PIEZO2: variants seen among roughly 807,000 people sequenced by gnomAD.
The protein encoded by PIEZO2 is piezo-type mechanosensitive ion channel component 2.
PIEZO2 carries 172 observed loss-of-function variants against 337.3 expected under a neutral mutation model. The ratio of observed to expected loss-of-function variants is 0.51; its 90% CI spans 0.45 to 0.58. PIEZO2 has a LOEUF of 0.58. Among genes scored for constraint, PIEZO2 ranks in the 20% least tolerant of loss-of-function variants. PIEZO2 has a pLI of 0.00. For missense variants in PIEZO2, 3,028 were observed against 3,391.3 expected, an observed-to-expected ratio of 0.89 and a Z score of 2.66; for synonymous variants, 1,251 against 1,228.5, an observed-to-expected ratio of 1.02 and a Z score of -0.38.
In PIEZO2 at chr18:10,681,710, A is replaced by G; in HGVS notation, c.7730T>C (p.Met2577Thr). Residue 2577 changes from methionine (M) to threonine (T), a missense_variant, in exon 51 of 56, where the codon ATG becomes ACG. Coordinates refer to ENST00000674853, the MANE Select transcript of PIEZO2 (RefSeq NM_001378183.1). ...MSAQQSQLKV[M>T]DQQSFNKFIQ... ...AAATTTGTTAAAGCTCTGCTGGTCC[A>G]TAACTTTCAACTGGCTTTGTTGGGC... 1 of 1,612,164 alleles carries G rather than the reference A, an allele frequency of 6.2e-7. No individual in the cohort carries two copies. The highest frequency in any genetic ancestry group is 8.5e-7 in the Non-Finnish European group (1 of 1,178,190).
chr18:10,685,171 T>C (rs2034496118), intron 49 of PIEZO2, among the ~76,000 whole-genome samples: 1 of 152,204 alleles, frequency 6.6e-6, no homozygotes, highest in South Asian at 2.1e-4. Context: ...CTGCAGCCTG[T>C]CACATTCAAT....
In PIEZO2 at chr18:10,773,403, G is replaced by T; in HGVS notation, c.2785+9C>A. 6.5e-7 allele frequency: 1 copy of T among 1,537,010 alleles called. No individual in the cohort carries two copies. The highest frequency in any genetic ancestry group is 8.7e-7 in the Non-Finnish European group (1 of 1,146,716). On this transcript the variant is annotated intron_variant, in intron 20 of 55. Transcript: ENST00000674853. The surrounding 1 kb of genome is among the most constrained non-coding windows in gnomAD (Gnocchi z 5.3). ...TTCTCTGACCAGCTGCTGGTAGTGG[G>T]CTGATTACCTGATGTTTCTTCCTCC...
chr18:10,853,805 C>T lies in PIEZO2; in HGVS notation c.917+1548G>A. 6.6e-6 allele frequency among the ~76,000 whole-genome samples: 1 copy of T among 152,210 alleles called. No homozygotes were observed. The highest frequency in any genetic ancestry group is 1.9e-4 in the East Asian group (1 of 5,192). Reference sequence around the variant, plus strand: ...AGGCACAGCTTATCTAAATAACTCACCATGTATCTCCTAAAATAATGGCAT... The same window carrying T: ...AGGCACAGCTTATCTAAATAACTCATCATGTATCTCCTAAAATAATGGCAT... On this transcript the variant is annotated intron_variant, in intron 7 of 55. Coordinates refer to ENST00000674853, the MANE Select transcript of PIEZO2 (RefSeq NM_001378183.1). The surrounding 1 kb of genome is among the most constrained non-coding windows in gnomAD (Gnocchi z 4.2).
chr18:11,033,312 G>T lies in PIEZO2; in HGVS notation c.160+32815C>A, dbSNP rs2036806542. ...ACATCATTCCTGGCTGTAGACACTA[G>T]ACCACCAGGACTTAGGGCAGGACTC... On this transcript the variant is annotated intron_variant, in intron 2 of 55. Coordinates refer to ENST00000674853, the MANE Select transcript of PIEZO2 (RefSeq NM_001378183.1). The surrounding 1 kb of genome is among the most constrained non-coding windows in gnomAD (Gnocchi z 4.2). 6.6e-6 allele frequency among the ~76,000 whole-genome samples: 1 copy of T among 152,186 alleles called. No individual in the cohort carries two copies. Among genetic ancestry groups the T allele is most frequent in the Non-Finnish European group, 1.5e-5 (1 of 68,046 alleles).
In PIEZO2 at chr18:11,104,733, C is replaced by A. The variant is rs1434303669; in HGVS notation, c.65-38511G>T. ...CATGCAGGGCAGGCAAGAAATTAAC[C>A]TTTGTTGTTGCAAAGCACTGAGATG... On this transcript the variant is annotated intron_variant, in intron 1 of 55. Transcript: ENST00000674853. This position sits in a 1 kb window ranked among gnomAD's most constrained non-coding sequence, Gnocchi z 4.6. 2.6e-5 allele frequency among the ~76,000 whole-genome samples: 4 copies of A among 152,230 alleles called. No individual in the cohort carries two copies. Among genetic ancestry groups the A allele is most frequent in the Non-Finnish European group, 4.4e-5 (3 of 68,046 alleles).
At chr18:10,836,446 G>A (rs889799783) in intron 7 of PIEZO2, among the ~76,000 whole-genome samples, 5 of 152,078 alleles carry the variant, frequency 3.3e-5, no homozygotes, top group African/African-American at 4.8e-5. Context: ...TTGCTAGCCC[G>A]GCTGTAACTT....
chr18:11,132,087 T>C lies in PIEZO2; in HGVS notation c.64+16438A>G, dbSNP rs966623518. 2.6e-5 allele frequency among the ~76,000 whole-genome samples: 4 copies of C among 152,174 alleles called. No individual in the cohort carries two copies. The highest frequency in any genetic ancestry group is 2.6e-4 in the Admixed American group (4 of 15,284). Reference sequence around the variant, plus strand: ...TCAGGGTGATCAGCCAGCTACCTGGTGGCTGGTTGATTATATTGGACCTCT... The same window carrying C: ...TCAGGGTGATCAGCCAGCTACCTGGCGGCTGGTTGATTATATTGGACCTCT... On this transcript the variant is annotated intron_variant, in intron 1 of 55. Coordinates refer to ENST00000674853, the MANE Select transcript of PIEZO2 (RefSeq NM_001378183.1). This position sits in a 1 kb window ranked among gnomAD's most constrained non-coding sequence, Gnocchi z 4.7.
intron 36 of PIEZO2, 124 bp from the exon 37 acceptor site, chr18:10,718,383 C>CT (rs1232496968): frequency 2.5e-6 from 2 of 786,066 alleles, no homozygotes; most frequent in Non-Finnish European, 4.1e-6. Flanking sequence ...TCAAGAGTTC[C>CT]TTGGGGAAAG....
chr18:10,978,107 G>C (rs2034518983), intron 3 of PIEZO2, among the ~76,000 whole-genome samples: 1 of 152,126 alleles, frequency 6.6e-6, no homozygotes, highest in Non-Finnish European at 1.5e-5. Context: ...CGGATCACGA[G>C]GTCAGGAGAT....
At position 11,146,403 on chromosome 18, in the gene PIEZO2, A is replaced by G. The variant is rs1364399520; in HGVS notation, c.64+2122T>C. Among the ~76,000 whole-genome samples, 2 of 152,154 alleles carry G rather than the reference A, an allele frequency of 1.3e-5. No individual in the cohort carries two copies. The highest frequency in any genetic ancestry group is 2.9e-5 in the Non-Finnish European group (2 of 68,026). ...ACAGAAGAAGCTCGGTGGGGGTCCC[A>G]GTGGTGAGAGGCAGGGCTGAATCCA... On this transcript the variant is annotated intron_variant, in intron 1 of 55. Coordinates refer to ENST00000674853, the MANE Select transcript of PIEZO2 (RefSeq NM_001378183.1). This position sits in a 1 kb window ranked among gnomAD's most constrained non-coding sequence, Gnocchi z 6.1.
intron 4 of PIEZO2, among the ~76,000 whole-genome samples, chr18:10,910,042 A>AAGTATTTTAT (rs1402043058): frequency 1.3e-5 from 2 of 152,228 alleles, no homozygotes; most frequent in Admixed American, 6.5e-5. Flanking sequence ...ATGCATTTTC[A>AAGTATTTTAT]AGTATTTTAT....
chr18:10,875,247 A>C (rs1403707479), intron 4 of PIEZO2, among the ~76,000 whole-genome samples: 1 of 152,198 alleles, frequency 6.6e-6, no homozygotes, highest in Non-Finnish European at 1.5e-5. Context: ...AAGAGTAAGA[A>C]AATCCAATTA....
At position 10,759,649 on chromosome 18, in the gene PIEZO2, C is replaced by T; in HGVS notation, c.3655+56G>A. On this transcript the variant is annotated intron_variant, in intron 25 of 55. Transcript: ENST00000674853. The surrounding 1 kb of genome is among the most constrained non-coding windows in gnomAD (Gnocchi z 5.5). ...TCTTCACCACTCTTCTCCCAGCCGTCCGCTCAGTAATGGCTTCTTCTAAAA... is the reference window on the plus strand; with the variant it reads ...TCTTCACCACTCTTCTCCCAGCCGTTCGCTCAGTAATGGCTTCTTCTAAAA... The T allele has an allele frequency of 2.0e-6, 3 of 1,535,778 alleles. No individual in the cohort carries two copies. The highest frequency in any genetic ancestry group is 2.6e-6 in the Non-Finnish European group (3 of 1,145,536).
chr18:11,029,543 A>G (rs546333124), intron 2 of PIEZO2, among the ~76,000 whole-genome samples: 3 of 152,244 alleles, frequency 2.0e-5, no homozygotes, highest in African/African-American at 4.8e-5. Flanking sequence ...AGGCCATTCT[A>G]TTCTCCTACT....
chr18:10,890,239 C>T (rs1302771742), intron 4 of PIEZO2, among the ~76,000 whole-genome samples: 1 of 152,160 alleles, frequency 6.6e-6, no homozygotes, highest in Non-Finnish European at 1.5e-5. Context: ...TCTCCATTTG[C>T]TTGAACTAAA....
intron 3 of PIEZO2, among the ~76,000 whole-genome samples, chr18:10,920,927 C>T (rs939198290): frequency 2.0e-5 from 3 of 152,026 alleles, no homozygotes; most frequent in Admixed American, 6.6e-5. Flanking sequence ...GTGGTGGGTG[C>T]CTGTAATCCT....
chr18:10,774,744 T>C (rs1444242136), intron 18 of PIEZO2, among the ~76,000 whole-genome samples: 1 of 152,210 alleles, frequency 6.6e-6, no homozygotes, highest in East Asian at 1.9e-4. Context: ...TTCTGGGCAA[T>C]AAAGTCTACA....
At chr18:10,741,480 C>T (rs1292434806) in intron 32 of PIEZO2, among the ~76,000 whole-genome samples, 1 of 152,160 alleles carries the variant, frequency 6.6e-6, no homozygotes, top group Non-Finnish European at 1.5e-5. Context: ...TGTTAAAGTA[C>T]ATAAATTACA....
intron 47 of PIEZO2, among the ~76,000 whole-genome samples, chr18:10,692,335 G>C (rs1034264858): frequency 6.6e-6 from 1 of 152,108 alleles, no homozygotes; most frequent in South Asian, 2.1e-4. Context: ...CTTTTGACTT[G>C]GTAAGAGTTT....
Sources: gnomAD v4.1 joint callset for allele counts (sites outside exome capture counted in the v4.1 genomes callset) on GRCh38, gnomAD v4.1.1 for gene constraint, Gnocchi (gnomAD v3.1) non-coding constraint, MANE v1.5 for transcripts, NCBI Gene and HGNC (gene_info 2026-07-23, HGNC 2026-07-21) for gene names.